ASB18: variants seen among roughly 807,000 people sequenced by gnomAD.
The protein encoded by ASB18 is ankyrin repeat and SOCS box protein 18.
A neutral mutation model predicts 33.4 loss-of-function variants in ASB18; 33 were observed. That is an observed-to-expected ratio of 0.99 (90% CI 0.75 to 1.32). The LOEUF is 1.32. Ranked by LOEUF, ASB18 falls within the 40% of genes most tolerant of loss-of-function variation. ASB18 has a pLI of 0.00. For synonymous variants in ASB18, 295 were observed against 307.6 expected, an observed-to-expected ratio of 0.96 and a Z score of 0.43; for missense variants, 694 against 655.5, an observed-to-expected ratio of 1.06 and a Z score of -0.64.
At chr2:236,201,130 C>T (rs1360267480) in intron 4 of ASB18, among the ~76,000 whole-genome samples, 1 of 151,186 alleles carries the variant, frequency 6.6e-6, no homozygotes, top group African/African-American at 2.4e-5. Context: ...CTCCTTCCTT[C>T]CTTCCCTCCT....
Position 236,205,776 on chromosome 2 carries a change from C to T in ASB18, c.1101+8586G>A, listed in dbSNP as rs2106265182. ...TCTTTCATCATCAAAATGAAAGTAT[C>T]TTCACTGAGTCTAAAATTCTAGTGT... On this transcript the variant is annotated intron_variant, in intron 4 of 5. Transcript: ENST00000409749. The surrounding 1 kb of genome is among the most constrained non-coding windows in gnomAD (Gnocchi z 5.4). Among the ~76,000 whole-genome samples the T allele has an allele frequency of 6.6e-6, 1 of 152,302 alleles. No homozygotes were observed. Among genetic ancestry groups the T allele is most frequent in the African/African-American group, 2.4e-5 (1 of 41,570 alleles).
At chr2:236,218,532 T>C (rs6431442) in intron 3 of ASB18, among the ~76,000 whole-genome samples, 73,688 of 152,066 alleles carry the variant, frequency 0.48, 22,063 homozygotes, top group African/African-American at 0.86. Flanking sequence ...GATGTGGTGG[T>C]TCACGCCTGT....
Position 236,214,124 on chromosome 2 carries a change from G to A in ASB18, c.1101+238C>T. 1 of 536,626 alleles carries A rather than the reference G, an allele frequency of 1.9e-6. No individual in the cohort carries two copies. The highest frequency in any genetic ancestry group is 3.3e-6 in the Non-Finnish European group (1 of 306,366). The allele number at this position is 536,626 out of a possible 1,614,324, so 33.2% of individuals were successfully genotyped here. On this transcript the variant is annotated intron_variant, in intron 4 of 5. Coordinates refer to ENST00000409749, the MANE Select transcript of ASB18 (RefSeq NM_212556.4). The surrounding 1 kb of genome is among the most constrained non-coding windows in gnomAD (Gnocchi z 6.5). ...CGTGGCTCTAACCAGAAGGCTTCTA[G>A]GCCCCTGTTCCTCAAAATGGGGTCC...
Position 236,240,506 on chromosome 2 carries a change from C to T in ASB18, c.328+774G>A, listed in dbSNP as rs1243417622. Among the ~76,000 whole-genome samples the T allele has an allele frequency of 3.3e-5, 5 of 152,350 alleles. No individual in the cohort carries two copies. The South Asian group carries it at 6.2e-4, about 19-fold the overall frequency. On this transcript the variant is annotated intron_variant, in intron 2 of 5. Coordinates refer to ENST00000409749, the MANE Select transcript of ASB18 (RefSeq NM_212556.4). ...CTGGCAGAGCTGCTGTAGATTCCAA[C>T]GCATGTGAAACTTCTTGGTAAATAT...
Position 236,250,318 on chromosome 2 carries a change from G to A in ASB18, c.206-8916C>T, listed in dbSNP as rs1417656506. ...AACTTTCCATGCCTTCAAGCCAAGA[G>A]GTAGAATTTTTGAGGCTGCAGGACA... On this transcript the variant is annotated intron_variant, in intron 1 of 5. Coordinates refer to ENST00000409749, the MANE Select transcript of ASB18 (RefSeq NM_212556.4). The surrounding 1 kb of genome is among the most constrained non-coding windows in gnomAD (Gnocchi z 4.1). 6.6e-6 allele frequency: 1 copy of A among 152,216 alleles called. No individual in the cohort carries two copies. 9.4% of individuals were successfully genotyped at this position (152,216 alleles called of 1,614,324 possible). A position where few individuals can be genotyped will look rare whatever the true frequency, so the allele number is the denominator to read the frequency against.
rs549256308 is a variant in ASB18, at chr2:236,251,690, C to T, written c.206-10288G>A. ...CAGAATTAGAACTTTAAACTTCCAA[C>T]GGAAAAACAGGAAAAAAAATGATAA... On this transcript the variant is annotated intron_variant, in intron 1 of 5. Transcript: ENST00000409749. This position sits in a 1 kb window ranked among gnomAD's most constrained non-coding sequence, Gnocchi z 5.3. Among the ~76,000 whole-genome samples, 9 of 152,004 alleles carry T rather than the reference C, an allele frequency of 5.9e-5. No homozygotes were observed. Among genetic ancestry groups the T allele is most frequent in the South Asian group, 2.1e-4 (1 of 4,800 alleles).
Position 236,203,219 on chromosome 2 carries a change from C to T in ASB18, c.1102-6834G>A, listed in dbSNP as rs1424224949. On this transcript the variant is annotated intron_variant, in intron 4 of 5. Coordinates refer to ENST00000409749, the MANE Select transcript of ASB18 (RefSeq NM_212556.4). This position sits in a 1 kb window ranked among gnomAD's most constrained non-coding sequence, Gnocchi z 6.0. ...AGTCCCAAATATAACAACAACAATA[C>T]AGTGCTGTGGTCATATGAGGGGGAG... Among the ~76,000 whole-genome samples, 1 of 152,054 alleles carries T rather than the reference C, an allele frequency of 6.6e-6. No individual in the cohort carries two copies. Among genetic ancestry groups the T allele is most frequent in the Non-Finnish European group, 1.5e-5 (1 of 68,030 alleles).
intron 3 of ASB18, among the ~76,000 whole-genome samples, chr2:236,230,746 AG>A (rs1459312835): frequency 2.6e-5 from 4 of 151,726 alleles, no homozygotes; most frequent in Non-Finnish European, 5.9e-5. Flanking sequence ...AAGCCAAAAA[AG>A]GAGATAAAAT....
At position 236,238,838 on chromosome 2, in the gene ASB18, T is replaced by TA. The variant is rs764436352; in HGVS notation, c.329-883dup. Among the ~76,000 whole-genome samples, 2 of 152,160 alleles carry TA rather than the reference T, an allele frequency of 1.3e-5. No individual in the cohort carries two copies. Among genetic ancestry groups the TA allele is most frequent in the Non-Finnish European group, 2.9e-5 (2 of 68,018 alleles). On this transcript the variant is annotated intron_variant, in intron 2 of 5. Transcript: ENST00000409749. The surrounding 1 kb of genome is among the most constrained non-coding windows in gnomAD (Gnocchi z 5.2). ...CTTCTGATAATGATGGAAGAATCGATACTGTGGCTGTAATGAGCCGCAGAG... is the reference window on the plus strand; with the variant it reads ...CTTCTGATAATGATGGAAGAATCGATAACTGTGGCTGTAATGAGCCGCAGAG...
At chr2:236,243,930 G>A (rs1162726501) in intron 1 of ASB18, among the ~76,000 whole-genome samples, 3 of 152,162 alleles carry the variant, frequency 2.0e-5, no homozygotes, top group African/African-American at 4.8e-5. Flanking sequence ...GGGCTCCAGC[G>A]ATTCTCTTGC....
intron 4 of ASB18, among the ~76,000 whole-genome samples, chr2:236,201,092 T>G (rs2060398877): frequency 6.6e-6 from 1 of 152,128 alleles, no homozygotes; most frequent in South Asian, 2.1e-4. Flanking sequence ...GCCAAGAGTT[T>G]TGAGGCAGTG....
In ASB18 at chr2:236,259,898, T is replaced by G. The variant is rs1240263370; in HGVS notation, c.205+4243A>C. The stretch of plus-strand genomic sequence containing the variant: ...CCTTTGACTTCTGCCTGCACCAAGG[T>G]GGGGGCACATGTTCACCTGAGGGAC... On this transcript the variant is annotated intron_variant, in intron 1 of 5. Transcript: ENST00000409749. The surrounding 1 kb of genome is among the most constrained non-coding windows in gnomAD (Gnocchi z 4.4). 6.6e-6 allele frequency among the ~76,000 whole-genome samples: 1 copy of G among 152,138 alleles called. No homozygotes were observed. The highest frequency in any genetic ancestry group is 1.5e-5 in the Non-Finnish European group (1 of 68,008).
Position 236,250,113 on chromosome 2 carries a change from A to T in ASB18, c.206-8711T>A, listed in dbSNP as rs1312916060. 6.6e-6 allele frequency: 1 copy of T among 152,234 alleles called. No individual in the cohort carries two copies. The highest frequency in any genetic ancestry group is 2.4e-5 in the African/African-American group (1 of 41,470). 9.4% of individuals were successfully genotyped at this position (152,234 alleles called of 1,614,324 possible). A position where few individuals can be genotyped will look rare whatever the true frequency, so the allele number is the denominator to read the frequency against. On this transcript the variant is annotated intron_variant, in intron 1 of 5. Transcript: ENST00000409749. This position sits in a 1 kb window ranked among gnomAD's most constrained non-coding sequence, Gnocchi z 4.1. ...ACCTTGAAATTATAATGGGGTATCC[A>T]CATGGTAGTGTTTGAATGGTAACTA...
In ASB18 at chr2:236,248,275, A is replaced by T. The variant is rs2060653340; in HGVS notation, c.206-6873T>A. 6.6e-6 allele frequency: 1 copy of T among 152,344 alleles called. No homozygotes were observed. The highest frequency in any genetic ancestry group is 1.9e-4 in the East Asian group (1 of 5,180). 9.4% of individuals were successfully genotyped at this position (152,344 alleles called of 1,614,324 possible). On this transcript the variant is annotated intron_variant, in intron 1 of 5. Transcript: ENST00000409749. This position sits in a 1 kb window ranked among gnomAD's most constrained non-coding sequence, Gnocchi z 4.9. ...TTCAGGCATAATGGGTTGGAGGTGC[A>T]GCCTGGGCAACAGGACTGTTAAAAA...
intron 4 of ASB18, among the ~76,000 whole-genome samples, chr2:236,207,525 T>C (rs1385976887): frequency 6.6e-6 from 1 of 152,248 alleles, no homozygotes; most frequent in East Asian, 1.9e-4. Flanking sequence ...CCTTTTTCTC[T>C]TTATTAGTCT....
Position 236,237,857 on chromosome 2 carries a change from C to G in ASB18, c.428G>C (p.Gly143Ala). ...TACVRHLLGR[G>A]ADPDASPGGR... is the part of the protein sequence containing the mutation. ...GCCGGGGCTGGCGTCTGGGTCTGCGCCGCGGCCGAGCAGGTGTCGCACGCA... is the reference window on the plus strand; with the variant it reads ...GCCGGGGCTGGCGTCTGGGTCTGCGGCGCGGCCGAGCAGGTGTCGCACGCA... Residue 143 changes from glycine (G) to alanine (A), a missense_variant, in exon 3 of 6, where the codon GGC becomes GCC. Gly to Ala is a moderately conservative substitution (Grantham distance 60). Coordinates refer to ENST00000409749, the MANE Select transcript of ASB18 (RefSeq NM_212556.4). This position sits in a 1 kb window ranked among gnomAD's most constrained non-coding sequence, Gnocchi z 6.2. The G allele has an allele frequency of 6.9e-7, 1 of 1,454,364 alleles. No individual in the cohort carries two copies. Among genetic ancestry groups the G allele is most frequent in the East Asian group, 3.0e-5 (1 of 33,306 alleles). The allele number at this position is 1,454,364 out of a possible 1,614,324, so 90.1% of individuals were successfully genotyped here.
chr2:236,218,452 A>G (rs7591668), intron 3 of ASB18, among the ~76,000 whole-genome samples: 73,744 of 152,102 alleles, frequency 0.48, 22,111 homozygotes, highest in African/African-American at 0.86. Context: ...AAATAGCACC[A>G]CTGTACAGTC....
chr2:236,246,520 A>T (rs1439323375), intron 1 of ASB18, among the ~76,000 whole-genome samples: 3 of 151,782 alleles, frequency 2.0e-5, no homozygotes, highest in Non-Finnish European at 4.4e-5. Flanking sequence ...TTTTTTTTTC[A>T]AAGAGCCCAC....
In ASB18 at chr2:236,214,669, C is replaced by G. The variant is rs1359540029; in HGVS notation, c.794G>C (p.Arg265Thr). ...ALSAACGAAR[R>T]PDEHGRCLRL... is the part of the protein sequence containing the mutation. Reference sequence around the variant, plus strand: ...CAGGCAGCGCCCGTGCTCGTCGGGCCTCCGCGCCGCACCGCAGGCCGCGCT... The same window carrying G: ...CAGGCAGCGCCCGTGCTCGTCGGGCGTCCGCGCCGCACCGCAGGCCGCGCT... Residue 265 changes from arginine to threonine, a missense_variant, in exon 4 of 6, where the codon AGG becomes ACG. By Grantham distance (71) the Arg-to-Thr change is moderately conservative (BLOSUM62 -1). Coordinates refer to ENST00000409749, the MANE Select transcript of ASB18 (RefSeq NM_212556.4). The surrounding 1 kb of genome is among the most constrained non-coding windows in gnomAD (Gnocchi z 6.5). 1 of 1,143,930 alleles carries G rather than the reference C, an allele frequency of 8.7e-7. No individual in the cohort carries two copies. The highest frequency in any genetic ancestry group is 1.7e-5 in the African/African-American group (1 of 60,540). 70.9% of individuals were successfully genotyped at this position (1,143,930 alleles called of 1,614,324 possible). A position where few individuals can be genotyped will look rare whatever the true frequency, so the allele number is the denominator to read the frequency against.
Sources: allele counts gnomAD v4.1 joint callset (sites outside exome capture counted in the v4.1 genomes callset), GRCh38; gene constraint gnomAD v4.1.1; non-coding constraint Gnocchi (gnomAD v3.1); transcripts MANE v1.5; gene names NCBI Gene and HGNC (gene_info 2026-07-23, HGNC 2026-07-21).